ZBTB17: variants seen among roughly 807,000 people sequenced by gnomAD.
The protein encoded by ZBTB17 is zinc finger and BTB domain-containing protein 17.
ZBTB17 carries 24 observed loss-of-function variants against 85.1 expected under a neutral mutation model. The observed-to-expected ratio is 0.28, with a 90% CI of 0.20 to 0.40. ZBTB17 has a LOEUF of 0.40. ZBTB17 is among the 10% of genes least tolerant of loss of function. The pLI is 1.00. For missense variants in ZBTB17, 743 were observed against 1,105.1 expected (o/e 0.67, Z 4.65); for synonymous variants, 464 against 460.2 (o/e 1.01, Z -0.11).
At chr1:15,969,005 C>T (rs371993779) in intron 2 of ZBTB17, among the ~76,000 whole-genome samples, 10 of 152,314 alleles carry the variant, frequency 6.6e-5, no homozygotes, top group South Asian at 2.1e-4. Context: ...GAGTGGCGGG[C>T]GAGTGAGCAC....
chr1:15,965,068 C>A (rs575277786), intron 2 of ZBTB17, among the ~76,000 whole-genome samples: 2 of 150,580 alleles, frequency 1.3e-5, no homozygotes, highest in Non-Finnish European at 3.0e-5. Context: ...GAGCTGAGAT[C>A]GCGCCACTGC....
chr1:15,942,488 C>T, intron 14 of ZBTB17, 41 bp downstream of exon 14: 1 of 1,610,254 alleles, frequency 6.2e-7, no homozygotes, highest in Non-Finnish European at 8.5e-7. Flanking sequence ...ACCCTGGCAG[C>T]AAGCTGCCTG....
At chr1:15,945,929 C>T (rs766993771) in intron 5 of ZBTB17, 89 bp from the exon 6 acceptor site, 81 of 1,561,744 alleles carry the variant, frequency 5.2e-5, no homozygotes, top group Non-Finnish European at 6.5e-5. Flanking sequence ...GTGGTGGCTG[C>T]GTGTGACCCA....
chr1:15,974,670 G>A (rs1433594494), intron 1 of ZBTB17, among the ~76,000 whole-genome samples: 1 of 151,742 alleles, frequency 6.6e-6, no homozygotes, highest in Non-Finnish European at 1.5e-5. Flanking sequence ...CGCCTCCTGC[G>A]TTCGAGCGAT....
chr1:15,961,020 G>A (rs919596403), intron 2 of ZBTB17, among the ~76,000 whole-genome samples: 3 of 151,872 alleles, frequency 2.0e-5, no homozygotes, highest in Admixed American at 6.6e-5. Context: ...AGGCAGAGGC[G>A]GGAGGATCAC....
intron 2 of ZBTB17, among the ~76,000 whole-genome samples, chr1:15,963,944 CAA>C (rs879787456): frequency 7.2e-6 from 1 of 138,266 alleles, no homozygotes; most frequent in African/African-American, 2.7e-5. Flanking sequence ...CTGTCTTTAC[CAA>C]AAAAAAAAAA....
intron 1 of ZBTB17, among the ~76,000 whole-genome samples, chr1:15,974,261 C>T (rs565813661): frequency 6.6e-6 from 1 of 150,674 alleles, no homozygotes; most frequent in African/African-American, 2.4e-5. Flanking sequence ...TAAAAGAATC[C>T]TCCCACCTCA....
rs2071371975 is a variant in ZBTB17, at chr1:15,941,919, G to A, written c.*50C>T. On this transcript the variant is annotated 3_prime_UTR_variant, in exon 16 of 16. Transcript: ENST00000375743. ...TCTAGGGAACAGGCCACCCTTCCCG[G>A]TTCCAGGGTGCCATCCATCCTTAAA... 1 of 1,553,098 alleles carries A rather than the reference G, an allele frequency of 6.4e-7. No individual in the cohort carries two copies. The highest frequency in any genetic ancestry group is 8.7e-7 in the Non-Finnish European group (1 of 1,153,156).
intron 13 of ZBTB17, 92 bp downstream of exon 13, chr1:15,942,972 G>A (rs1011714288): frequency 6.5e-7 from 1 of 1,548,744 alleles, no homozygotes; most frequent in Non-Finnish European, 8.7e-7. Flanking sequence ...TAGCACCCGA[G>A]GCTGGGGTCT....
chr1:15,944,691 C>T lies in ZBTB17; in HGVS notation c.1070+6G>A, dbSNP rs371810884. 56 of 1,606,222 alleles carry T rather than the reference C, an allele frequency of 3.5e-5. No homozygotes were observed. The highest frequency in any genetic ancestry group is 4.3e-5 in the Non-Finnish European group (51 of 1,179,816). On this transcript the variant is annotated splice_donor_region_variant and intron_variant, in intron 8 of 15. Coordinates refer to ENST00000375743, the MANE Select transcript of ZBTB17 (RefSeq NM_003443.3). ...GCCGGGGTAGGAGGCCGGCTTGGGG[C>T]AGTACCTGTGCGTCTTCTCATGGGC... is the stretch of plus-strand genomic sequence containing the variant.
At position 15,944,768 on chromosome 1, in the gene ZBTB17, G is replaced by A; in HGVS notation, c.999C>T (p.Pro333=). 1.9e-6 allele frequency: 3 copies of A among 1,612,970 alleles called. No homozygotes were observed. The highest frequency in any genetic ancestry group is 2.2e-5 in the East Asian group (1 of 44,858). ...CCTTGCTGCACTCCCGGCACGAGAA[G>A]GGCTTCTCCCCCGTGTGGATGCGGA... ...RHIRIHTGEK[P]FSCRECSKAF... is the part of the protein sequence containing the mutation. Residue 333 remains proline (P), a synonymous_variant, in exon 8 of 16, where the codon CCC becomes CCT. Coordinates refer to ENST00000375743, the MANE Select transcript of ZBTB17 (RefSeq NM_003443.3).
rs967840272 is a variant in ZBTB17, at chr1:15,964,073, T to C, written c.-3+8966A>G. Among the ~76,000 whole-genome samples the C allele has an allele frequency of 2.0e-5, 3 of 151,698 alleles. No individual in the cohort carries two copies. The highest frequency in any genetic ancestry group is 4.8e-5 in the African/African-American group (2 of 41,338). Reference sequence around the variant, plus strand: ...AGGTCCAGGCTGCAGTAAGCTGCGATTGTGCCACGGCACTCCAGCCTGGAC... The same window carrying C: ...AGGTCCAGGCTGCAGTAAGCTGCGACTGTGCCACGGCACTCCAGCCTGGAC... On this transcript the variant is annotated intron_variant, in intron 2 of 15. Transcript: ENST00000375743. The surrounding 1 kb of genome is among the most constrained non-coding windows in gnomAD (Gnocchi z 4.3).
At chr1:15,944,032 G>A in intron 9 of ZBTB17, 137 bp from the exon 10 acceptor site, 1 of 1,019,478 alleles carries the variant, frequency 9.8e-7, no homozygotes, top group Non-Finnish European at 1.5e-6. Context: ...CCTGGGTCAG[G>A]AGAGGTCCCA....
At chr1:15,946,123 C>T (rs1557776107) in intron 5 of ZBTB17, 31 bp downstream of exon 5, 1 of 1,601,856 alleles carries the variant, frequency 6.2e-7, no homozygotes, top group South Asian at 1.1e-5. Flanking sequence ...GGTGACAGGA[C>T]AGCCGGCTGG....
chr1:15,967,051 C>T (rs61634189), intron 2 of ZBTB17, among the ~76,000 whole-genome samples: 256 of 151,858 alleles, frequency 1.7e-3, no homozygotes, highest in African/African-American at 6.0e-3. Flanking sequence ...AGTTGAGGTC[C>T]CTCCCTACTG....
At chr1:15,950,615 G>A (rs1240910789) in intron 2 of ZBTB17, among the ~76,000 whole-genome samples, 1 of 152,208 alleles carries the variant, frequency 6.6e-6, no homozygotes, top group African/African-American at 2.4e-5. Flanking sequence ...TTGCAAGTGA[G>A]GCCCAACCCT....
rs2071942123 is a variant in ZBTB17, at chr1:15,953,579, T to C, written c.-2-5082A>G. ...CTTGCAGTCCCAAAGCACCACAGAC[T>C]GCTGAGTAAGCCAGGTTTCTGTTTG... On this transcript the variant is annotated intron_variant, in intron 2 of 15. Transcript: ENST00000375743. This position sits in a 1 kb window ranked among gnomAD's most constrained non-coding sequence, Gnocchi z 5.1. Among the ~76,000 whole-genome samples, 1 of 152,228 alleles carries C rather than the reference T, an allele frequency of 6.6e-6. No homozygotes were observed. The highest frequency in any genetic ancestry group is 2.4e-5 in the African/African-American group (1 of 41,460).
intron 3 of ZBTB17, among the ~76,000 whole-genome samples, chr1:15,947,656 T>C (rs531036225): frequency 5.3e-5 from 8 of 152,268 alleles, no homozygotes; most frequent in Admixed American, 4.6e-4. Context: ...CACCCTCTTA[T>C]TTGGCCGCTA....
In ZBTB17 at chr1:15,966,862, C is replaced by T. The variant is rs536730353; in HGVS notation, c.-3+6177G>A. ...GGTCGAGGCTGCAGTGAGCTATAAT[C>T]CCAGCACTGCACTCCAACCTGGGCG... is the stretch of plus-strand genomic sequence containing the variant. On this transcript the variant is annotated intron_variant, in intron 2 of 15. Transcript: ENST00000375743. This position sits in a 1 kb window ranked among gnomAD's most constrained non-coding sequence, Gnocchi z 4.1. Among the ~76,000 whole-genome samples the T allele has an allele frequency of 5.3e-4, 79 of 147,798 alleles. No individual in the cohort carries two copies. The highest frequency in any genetic ancestry group is 1.8e-3 in the African/African-American group (73 of 40,078).
Sources: allele counts gnomAD v4.1 joint callset (sites outside exome capture counted in the v4.1 genomes callset), GRCh38; gene constraint gnomAD v4.1.1; non-coding constraint Gnocchi (gnomAD v3.1); transcripts MANE v1.5; gene names NCBI Gene and HGNC (gene_info 2026-07-23, HGNC 2026-07-21).